The following DNAH12 variants were observed in gnomAD, a reference collection of about 807,000 sequenced individuals.
DNAH12 encodes axonemal beta dynein heavy chain 12.
In DNAH12, 285 loss-of-function variants were observed where a neutral mutation model predicts 371.5. The ratio of observed to expected loss-of-function variants is 0.77; its 90% CI spans 0.70 to 0.85. The LOEUF is 0.85. Ranked by LOEUF, DNAH12 falls within the 40% of genes least tolerant of loss-of-function variation. The probability of loss-of-function intolerance (pLI) is 0.00; values close to 1 mark genes in which losing one functional copy is unlikely to be tolerated. For missense variants in DNAH12, 3,611 were observed against 3,689.4 expected (o/e 0.98, Z 0.55); for synonymous variants, 1,200 against 1,213.0 (o/e 0.99, Z 0.22).
intron 13 of DNAH12, among the ~76,000 whole-genome samples, chr3:57,473,838 C>T (rs1340796928): frequency 1.4e-4 from 21 of 151,752 alleles, no homozygotes; most frequent in African/African-American, 1.2e-4. Context: ...CCGTGTAATT[C>T]GTTATATTAA....
rs1306655029 is a variant in DNAH12 at position 57,293,796 on chromosome 3, AC to A, written c.11867del (p.Cys3956PhefsTer17). ...HWIKRGVALL[C>X]QLDD ...TTTGTCCAATTTAGTCATCCAACTG[AC>A]AAAGCAAAGCAACCCCGCGCTTGAT... On this transcript the variant is annotated frameshift_variant, in exon 74 of 74. Coordinates refer to ENST00000495027, the MANE Select transcript of DNAH12 (RefSeq NM_001366028.2). LOFTEE classifies it high-confidence loss of function. The A allele has an allele frequency of 6.5e-7, 1 of 1,550,368 alleles. No individual in the cohort carries two copies. The highest frequency in any genetic ancestry group is 2.0e-5 in the Admixed American group (1 of 50,824).
At chr3:57,549,396 A>C in the DNAH12 span, among the ~76,000 whole-genome samples, 1 of 151,606 alleles carries the variant, frequency 6.6e-6, no homozygotes, top group East Asian at 2.0e-4. Context: ...GCGCGCCTGT[A>C]GTCCCAGCTA....
chr3:57,463,600 G>T (rs2066117473), intron 17 of DNAH12, among the ~76,000 whole-genome samples: 1 of 151,916 alleles, frequency 6.6e-6, no homozygotes, highest in African/African-American at 2.4e-5. Context: ...CACACTTTTT[G>T]TTTTGCTTAG....
chr3:57,435,162 A>G (rs935625764), intron 30 of DNAH12, among the ~76,000 whole-genome samples: 1 of 152,228 alleles, frequency 6.6e-6, no homozygotes, highest in South Asian at 2.1e-4. Flanking sequence ...ACTTGAGGTC[A>G]GGAGTTCAAG....
chr3:57,507,946 TG>T, intron 7 of DNAH12, 108 bp from the exon 8 acceptor site: 1 of 999,382 alleles, frequency 1.0e-6, no homozygotes, highest in Non-Finnish European at 1.4e-6. Context: ...CTCAGCACTT[TG>T]GGAGGCTGAG....
Position 57,504,096 on chromosome 3 carries a change from T to C in DNAH12, c.1006A>G (p.Lys336Glu), listed in dbSNP as rs1394240967. 6.2e-7 allele frequency: 1 copy of C among 1,613,936 alleles called. No individual in the cohort carries two copies. Among genetic ancestry groups the C allele is most frequent in the Non-Finnish European group, 8.5e-7 (1 of 1,179,976 alleles). The change falls in exon 9 of 74, where the codon AAA becomes GAA. Residue 336 changes from lysine to glutamate, a missense_variant. Physicochemically the swap from Lys to Glu is moderately conservative, Grantham distance 56. Coordinates refer to ENST00000495027, the MANE Select transcript of DNAH12 (RefSeq NM_001366028.2). The stretch of plus-strand genomic sequence containing the variant: ...TGAAAGGTAGGATAAAATTCCATTT[T>C]GTCGTCATCAAATGTCAATTCTATC... ...FKIELTFDDD[K>E]MEFYPTFQDL...
At chr3:57,536,071 G>A (rs2069031706) in intron 2 of DNAH12, among the ~76,000 whole-genome samples, 2 of 151,976 alleles carry the variant, frequency 1.3e-5, no homozygotes, top group African/African-American at 2.4e-5. Flanking sequence ...TCCTGACCTT[G>A]TGATCCACCC....
intron 25 of DNAH12, among the ~76,000 whole-genome samples, chr3:57,448,439 C>A (rs144781906): frequency 6.6e-6 from 1 of 151,484 alleles, no homozygotes; most frequent in Non-Finnish European, 1.5e-5. Flanking sequence ...TAATGCAGCA[C>A]GTCTGGAGTT....
At chr3:57,525,756 CTTTTTTTT>C (rs776184662) in intron 2 of DNAH12, among the ~76,000 whole-genome samples, 41 of 76,274 alleles carry the variant, frequency 5.4e-4, no homozygotes, top group African/African-American at 1.9e-3. Context: ...ATGTCTTATT[CTTTTTTTT>C]TTTTTTTTTT....
chr3:57,491,118 G>C (rs1408147685), intron 11 of DNAH12, among the ~76,000 whole-genome samples: 1 of 130,560 alleles, frequency 7.7e-6, no homozygotes. Context: ...ATAAAGGGTA[G>C]ACAGAACTCA....
intron 25 of DNAH12, among the ~76,000 whole-genome samples, chr3:57,449,082 G>A (rs1035528423): frequency 2.0e-4 from 16 of 81,640 alleles, no homozygotes; most frequent in Non-Finnish European, 3.7e-4. Context: ...GATACAGAGT[G>A]CCGATTGGTG....
At chr3:57,446,812 T>G (rs929589185) in intron 25 of DNAH12, 123 bp from the exon 26 acceptor site, 6 of 1,055,510 alleles carry the variant, frequency 5.7e-6, no homozygotes, top group Non-Finnish European at 7.4e-6. Context: ...ATAATTACAT[T>G]GTTTAATTTT....
chr3:57,293,843 C>T lies in DNAH12; in HGVS notation c.11821G>A (p.Asp3941Asn). The change falls in exon 74 of 74, where the codon GAC becomes AAC. Residue 3941 changes from aspartate to asparagine, a missense_variant. Physicochemically the swap from Asp to Asn is conservative, Grantham distance 23. Around this residue, in one of 3 missense-constraint regions of DNAH12, gnomAD observed 2,266 missense variants for 2,236.9 expected, o/e 1.01. Coordinates refer to ENST00000495027, the MANE Select transcript of DNAH12 (RefSeq NM_001366028.2). ...TTGATCCAGTGCCGAGTAGGTTGGT[C>T]TGTTTTTAACAACATTGCAATGACA... is the stretch of plus-strand genomic sequence containing the variant. ...NFVIAMLLKTDQPTRHWIKRG... is the reference protein window; with the variant it reads ...NFVIAMLLKTNQPTRHWIKRG... 1 of 1,549,402 alleles carries T rather than the reference C, an allele frequency of 6.5e-7. No homozygotes were observed. The highest frequency in any genetic ancestry group is 1.2e-5 in the South Asian group (1 of 83,874).
chr3:57,537,824 A>G (rs948619504), intron 2 of DNAH12, among the ~76,000 whole-genome samples: 2 of 151,962 alleles, frequency 1.3e-5, no homozygotes, highest in Non-Finnish European at 2.9e-5. Context: ...AGCTAGGACT[A>G]CAGGCATGCA....
chr3:57,473,638 G>A (rs2066434009), intron 13 of DNAH12, among the ~76,000 whole-genome samples: 1 of 151,210 alleles, frequency 6.6e-6, no homozygotes, highest in Non-Finnish European at 1.5e-5. Flanking sequence ...TTGAAATACA[G>A]ATTCAAAGGC....
At position 57,310,781 on chromosome 3, in the gene DNAH12, G is replaced by A. The variant is rs2061567461; in HGVS notation, c.10832C>T (p.Ser3611Phe). Residue 3611 changes from serine (S) to phenylalanine (F), a missense_variant, in exon 67 of 74, where the codon TCT becomes TTT. Physicochemically the swap from Ser to Phe is radical, Grantham distance 155. Around this residue, in one of 3 missense-constraint regions of DNAH12, gnomAD observed 2,266 missense variants for 2,236.9 expected, o/e 1.01. Transcript: ENST00000495027. ...AGGTGCAAAATAGTTTCCACTGGGAGAAAACTTATAATGAGGGTTTTCAAC... is the reference window on the plus strand; with the variant it reads ...AGGTGCAAAATAGTTTCCACTGGGAAAAAACTTATAATGAGGGTTTTCAAC... The part of the protein sequence containing the change: ...YIVENPHYKF[S>F]PSGNYFAPPK... The A allele has an allele frequency of 6.4e-7, 1 of 1,551,606 alleles. No individual in the cohort carries two copies. The highest frequency in any genetic ancestry group is 8.7e-7 in the Non-Finnish European group (1 of 1,146,954).
At chr3:57,371,861 A>G (rs2063178385) in intron 55 of DNAH12, among the ~76,000 whole-genome samples, 1 of 151,326 alleles carries the variant, frequency 6.6e-6, no homozygotes, top group Admixed American at 6.6e-5. Flanking sequence ...ATGTAGTGAC[A>G]TCTTGAAAGA....
chr3:57,498,903 G>A (rs2067410120), intron 11 of DNAH12, among the ~76,000 whole-genome samples: 1 of 152,134 alleles, frequency 6.6e-6, no homozygotes, highest in Admixed American at 6.5e-5. Context: ...GGCGGCTGAA[G>A]CAGGAGAATG....
intron 63 of DNAH12, 89 bp from the exon 64 acceptor site, chr3:57,323,349 C>T: frequency 6.8e-7 from 1 of 1,477,310 alleles, no homozygotes; most frequent in Non-Finnish European, 9.0e-7. Flanking sequence ...ATGAAAAATT[C>T]TAGTTACGTT....
Sources: gnomAD v4.1 joint callset for allele counts (sites outside exome capture counted in the v4.1 genomes callset) on GRCh38, gnomAD v4.1.1 for gene constraint, gnomAD v4.1.1 regional missense constraint, MANE v1.5 for transcripts, NCBI Gene and HGNC (gene_info 2026-07-23, HGNC 2026-07-21) for gene names.